The following RBPMS2 variants were observed in gnomAD, a reference collection of about 807,000 sequenced individuals.
The protein encoded by RBPMS2 is RNA binding protein, mRNA processing factor 2.
In RBPMS2, 14 loss-of-function variants were observed where a neutral mutation model predicts 25.7. The ratio of observed to expected loss-of-function variants is 0.55; its 90% CI spans 0.36 to 0.85. The LOEUF (loss-of-function observed/expected upper bound fraction) is 0.85. RBPMS2 is among the 40% of genes least tolerant of loss of function. RBPMS2 has a pLI of 0.01. For missense variants in RBPMS2, 252 were observed against 283.4 expected (o/e 0.89, Z 0.80); for synonymous variants, 127 against 115.6 (o/e 1.10, Z -0.63).
At chr15:64,747,173 C>A (rs2083624819) in intron 6 of RBPMS2, among the ~76,000 whole-genome samples, 1 of 152,088 alleles carries the variant, frequency 6.6e-6, no homozygotes, top group South Asian at 2.1e-4. Flanking sequence ...TACAACTGAA[C>A]GTTGCGGAGC....
At chr15:64,757,644 G>T (rs887272550) in intron 1 of RBPMS2, among the ~76,000 whole-genome samples, 3 of 152,208 alleles carry the variant, frequency 2.0e-5, no homozygotes, top group African/African-American at 7.2e-5. Context: ...GGATCTTTCA[G>T]CAATGGCAGG....
intron 1 of RBPMS2, among the ~76,000 whole-genome samples, chr15:64,772,731 A>C (rs1027320022): frequency 1.3e-5 from 2 of 152,082 alleles, no homozygotes; most frequent in African/African-American, 4.8e-5. Flanking sequence ...GCTGACCTCT[A>C]ATCTCTCAGG....
chr15:64,751,501 C>G (rs1025816179), intron 2 of RBPMS2, 60 bp downstream of exon 2: 2 of 1,458,308 alleles, frequency 1.4e-6, no homozygotes, highest in African/African-American at 2.8e-5. Flanking sequence ...CCGAGATTCA[C>G]TCCCGCTGCT....
At chr15:64,760,429 G>GTA (rs944476712) in intron 1 of RBPMS2, among the ~76,000 whole-genome samples, 2 of 152,198 alleles carry the variant, frequency 1.3e-5, no homozygotes, top group Non-Finnish European at 1.5e-5. Flanking sequence ...GATGGAAAAG[G>GTA]TAAACACTGC....
chr15:64,747,902 T>G (rs974723406), intron 6 of RBPMS2, among the ~76,000 whole-genome samples: 1 of 152,178 alleles, frequency 6.6e-6, no homozygotes, highest in Non-Finnish European at 1.5e-5. Flanking sequence ...CAGGGCGCTC[T>G]AGGTTACATC....
chr15:64,771,552 G>A (rs572002058), intron 1 of RBPMS2, among the ~76,000 whole-genome samples: 4 of 151,964 alleles, frequency 2.6e-5, no homozygotes, highest in South Asian at 2.1e-4. Context: ...GCATGGTGGC[G>A]TGCACCTGCA....
chr15:64,766,849 A>T (rs1049015794), intron 1 of RBPMS2, among the ~76,000 whole-genome samples: 1 of 151,884 alleles, frequency 6.6e-6, no homozygotes, highest in Non-Finnish European at 1.5e-5. Context: ...TTTTGAGACC[A>T]AGTCTCATTA....
intron 1 of RBPMS2, among the ~76,000 whole-genome samples, chr15:64,762,115 T>G (rs1221043946): frequency 3.9e-5 from 6 of 152,118 alleles, no homozygotes; most frequent in Admixed American, 6.6e-5. Context: ...CCAAAGTGAC[T>G]CACGCCTGGC....
At chr15:64,758,071 A>C (rs139070741) in intron 1 of RBPMS2, among the ~76,000 whole-genome samples, 29 of 152,248 alleles carry the variant, frequency 1.9e-4, no homozygotes, top group African/African-American at 6.5e-4. Context: ...CAACCAAATA[A>C]CTCATGTCCT....
intron 1 of RBPMS2, among the ~76,000 whole-genome samples, chr15:64,759,638 G>A (rs1026159466): frequency 1.3e-5 from 2 of 152,084 alleles, no homozygotes; most frequent in Non-Finnish European, 2.9e-5. Context: ...ATCCAGGCTT[G>A]CGTGGAAAGG....
chr15:64,752,780 C>T (rs2083695118), intron 1 of RBPMS2, among the ~76,000 whole-genome samples: 2 of 152,028 alleles, frequency 1.3e-5, no homozygotes, highest in Non-Finnish European at 1.5e-5. Context: ...CCAGCTAATT[C>T]TTTGCATTTT....
At chr15:64,741,553 G>C (rs764135791) in intron 6 of RBPMS2, among the ~76,000 whole-genome samples, 2 of 152,238 alleles carry the variant, frequency 1.3e-5, no homozygotes, top group Non-Finnish European at 2.9e-5. Flanking sequence ...GGGGGCAGTG[G>C]TGCCAGCAAC....
Position 64,748,434 on chromosome 15 carries a change from G to T in RBPMS2, c.552C>A (p.Ala184=). 1 of 1,614,018 alleles carries T rather than the reference G, an allele frequency of 6.2e-7. No homozygotes were observed. The highest frequency in any genetic ancestry group is 1.1e-5 in the South Asian group (1 of 91,080). Residue 184 remains alanine (A), a synonymous_variant, in exon 6 of 8, where the codon GCC becomes GCA. Coordinates refer to ENST00000300069, the MANE Select transcript of RBPMS2 (RefSeq NM_194272.3). Reference sequence around the variant, plus strand: ...AAGGGCTTACCTGAGCGTGGAGGGCGGCGGCAGCGGCAGTGGCAGTTGGGT... The same window carrying T: ...AAGGGCTTACCTGAGCGTGGAGGGCTGCGGCAGCGGCAGTGGCAGTTGGGT... ...FTYPTATAAA[A]ALHAQVRWYP... is the part of the protein sequence containing the mutation.
rs1567062894 is a variant in RBPMS2, at chr15:64,744,795, T to TTTG, written c.568-3556_568-3554dup. Among the ~76,000 whole-genome samples the TTTG allele has an allele frequency of 5.9e-3, 442 of 74,416 alleles. 5 individuals are homozygous for TTTG. Among genetic ancestry groups the TTTG allele is most frequent in the African/African-American group, 0.025 (424 of 17,086 alleles). The allele number at this position is 74,416 out of a possible 152,430, so 48.8% of individuals were successfully genotyped here. A position where few individuals can be genotyped will look rare whatever the true frequency, so the allele number is the denominator to read the frequency against. Reference sequence around the variant, plus strand: ...TAATATTTAAGTTTTTTTGGTTTGTTTTGTTTTTTTTTTTTTTTTTTTTTT... The same window carrying TTTG: ...TAATATTTAAGTTTTTTTGGTTTGTTTTGTTGTTTTTTTTTTTTTTTTTTTTTT... On this transcript the variant is annotated intron_variant, in intron 6 of 7. Coordinates refer to ENST00000300069, the MANE Select transcript of RBPMS2 (RefSeq NM_194272.3).
intron 1 of RBPMS2, among the ~76,000 whole-genome samples, chr15:64,771,930 G>A (rs1346422292): frequency 6.6e-6 from 1 of 152,190 alleles, no homozygotes; most frequent in African/African-American, 2.4e-5. Flanking sequence ...CTGCACTCCA[G>A]CCTGGGTGAC....
intron 1 of RBPMS2, among the ~76,000 whole-genome samples, chr15:64,769,363 G>C (rs181516052): frequency 9.1e-4 from 136 of 150,104 alleles, no homozygotes; most frequent in African/African-American, 3.2e-3. Flanking sequence ...GGTGGAGGTT[G>C]CGGTGAGCCG....
At chr15:64,745,003 G>A (rs1183777857) in intron 6 of RBPMS2, among the ~76,000 whole-genome samples, 1 of 151,594 alleles carries the variant, frequency 6.6e-6, no homozygotes, top group African/African-American at 2.4e-5. Context: ...TTATAGAGAC[G>A]GGGTTTCACC....
chr15:64,765,088 A>G (rs186235369), intron 1 of RBPMS2, among the ~76,000 whole-genome samples: 71 of 151,866 alleles, frequency 4.7e-4, no homozygotes, highest in African/African-American at 1.5e-3. Context: ...TTAGCTGGGC[A>G]TGGTGGCGTG....
intron 1 of RBPMS2, among the ~76,000 whole-genome samples, chr15:64,765,395 C>A (rs1342478948): frequency 1.4e-5 from 2 of 143,678 alleles, no homozygotes; most frequent in African/African-American, 5.2e-5. Context: ...AGCCTGGCGA[C>A]AGAGCAAGAC....
Sources: allele counts gnomAD v4.1 joint callset (sites outside exome capture counted in the v4.1 genomes callset), GRCh38; gene constraint gnomAD v4.1.1; transcripts MANE v1.5; gene names NCBI Gene and HGNC (gene_info 2026-07-23, HGNC 2026-07-21).